Variants in WNK2 observed in about 807,000 individuals in gnomAD.
WNK2 encodes the protein WNK lysine deficient protein kinase 2, also known as serine/threonine-protein kinase WNK2.
WNK2 carries 67 observed loss-of-function variants against 192.1 expected under a neutral mutation model. That is an observed-to-expected ratio of 0.35 (90% CI 0.29 to 0.43). The LOEUF (loss-of-function observed/expected upper bound fraction) is 0.43. WNK2 is among the 20% of genes least tolerant of loss of function. WNK2 has a pLI of 1.00. For missense variants in WNK2, 2,698 were observed against 3,089.7 expected, an observed-to-expected ratio of 0.87 and a Z score of 3.01; for synonymous variants, 1,439 against 1,393.9, an observed-to-expected ratio of 1.03 and a Z score of -0.72.
At chr9:93,191,383 G>C (rs1022133266) in intron 2 of WNK2, among the ~76,000 whole-genome samples, 1 of 152,148 alleles carries the variant, frequency 6.6e-6, no homozygotes, top group East Asian at 1.9e-4. Flanking sequence ...TTTGTTGAAC[G>C]TGTGTCCTGG....
rs1404732667 is a variant in WNK2 at position 93,194,688 on chromosome 9, G to T, written c.681+9078G>T. Among the ~76,000 whole-genome samples, 4 of 152,214 alleles carry T rather than the reference G, an allele frequency of 2.6e-5. 1 individual carries two copies. The highest frequency in any genetic ancestry group is 2.6e-4 in the Admixed American group (4 of 15,290). On this transcript the variant is annotated intron_variant, in intron 2 of 29. Coordinates refer to ENST00000427277, the MANE Select transcript of WNK2 (RefSeq NM_006648.4). ...AAACACACTCTTACTATGCAATCCA[G>T]CAACTGCGTTCCTTGGTATTTACCC...
rs754482182 is a variant in WNK2, at chr9:93,257,187, A to G, written c.2382+48A>G. 6.4e-7 allele frequency: 1 copy of G among 1,572,014 alleles called. No homozygotes were observed. The highest frequency in any genetic ancestry group is 1.1e-5 in the South Asian group (1 of 86,964). ...CGTCAGTGGTGGCGCACGCTTTGCC[A>G]GGCCCTGGCTGGTGCACTAGGACAC... On this transcript the variant is annotated intron_variant, in intron 11 of 29. Coordinates refer to ENST00000427277, the MANE Select transcript of WNK2 (RefSeq NM_006648.4). The surrounding 1 kb of genome is among the most constrained non-coding windows in gnomAD (Gnocchi z 4.7).
intron 29 of WNK2, chr9:93,318,721 A>C: frequency 6.9e-7 from 1 of 1,444,354 alleles, no homozygotes; most frequent in South Asian, 1.4e-5. Flanking sequence ...CCTGGCATGC[A>C]GACCGCTCTC....
In WNK2 at chr9:93,258,958, A is replaced by C; in HGVS notation, c.2410A>C (p.Ile804Leu). 3 of 1,611,692 alleles carry C rather than the reference A, an allele frequency of 1.9e-6. No individual in the cohort carries two copies. Among genetic ancestry groups the C allele is most frequent in the Non-Finnish European group, 2.5e-6 (3 of 1,179,350 alleles). Residue 804 changes from isoleucine to leucine, a missense_variant, in exon 12 of 30, where the codon ATC becomes CTC. Ile to Leu is a conservative substitution (Grantham distance 5). This residue lies in a region of WNK2 where 893 missense variants were observed against 909.0 expected (regional missense o/e 0.98). Transcript: ENST00000427277. ...GCCCCCGATTCCTGTTGTGCCCCCC[A>C]TCACGCCCCTGGCGGGAATCGACGG... ...QMPPIPVVPP[I>L]TPLAGIDGLP...
intron 29 of WNK2, 158 bp downstream of exon 29, chr9:93,317,789 G>A (rs1383254681): frequency 6.8e-7 from 1 of 1,480,282 alleles, no homozygotes; most frequent in South Asian, 1.3e-5. Flanking sequence ...TGCCCGTGCT[G>A]CCAGTCTTCT....
At chr9:93,246,234 G>A (rs998380572) in intron 7 of WNK2, among the ~76,000 whole-genome samples, 2 of 152,148 alleles carry the variant, frequency 1.3e-5, no homozygotes, top group Non-Finnish European at 2.9e-5. Flanking sequence ...CGTTTTGCAC[G>A]TCCCTGTCAC....
At position 93,257,216 on chromosome 9, in the gene WNK2, C is replaced by A; in HGVS notation, c.2382+77C>A. Reference sequence around the variant, plus strand: ...CCTGGCTGGTGCACTAGGACACCCACAGAGGGGGTTGTCTGTGCATGTGAC... The same window carrying A: ...CCTGGCTGGTGCACTAGGACACCCAAAGAGGGGGTTGTCTGTGCATGTGAC... On this transcript the variant is annotated intron_variant, in intron 11 of 29. Transcript: ENST00000427277. The surrounding 1 kb of genome is among the most constrained non-coding windows in gnomAD (Gnocchi z 4.7). 6.8e-7 allele frequency: 1 copy of A among 1,473,068 alleles called. No homozygotes were observed. Among genetic ancestry groups the A allele is most frequent in the Non-Finnish European group, 9.1e-7 (1 of 1,094,208 alleles). 91.2% of individuals were successfully genotyped at this position (1,473,068 alleles called of 1,614,324 possible).
At chr9:93,238,132 G>C in intron 5 of WNK2, 101 bp from the exon 6 acceptor site, 1 of 1,005,140 alleles carries the variant, frequency 9.9e-7, no homozygotes, top group Non-Finnish European at 1.6e-6. Flanking sequence ...TCCAGTGCCC[G>C]TGTCCTGCCG....
intron 19 of WNK2, 94 bp downstream of exon 19, chr9:93,268,840 G>A (rs1237325318): frequency 6.3e-7 from 1 of 1,576,464 alleles, no homozygotes; most frequent in Non-Finnish European, 8.6e-7. Context: ...CCGTGCCCAG[G>A]TCCATGCAGG....
chr9:93,288,249 C>T (rs1848727468), intron 19 of WNK2, among the ~76,000 whole-genome samples: 1 of 152,178 alleles, frequency 6.6e-6, no homozygotes, highest in African/African-American at 2.4e-5. Context: ...CACTGACCAG[C>T]CCTGGCTGCG....
At chr9:93,194,673 T>G (rs1830912881) in intron 2 of WNK2, among the ~76,000 whole-genome samples, 1 of 152,228 alleles carries the variant, frequency 6.6e-6, no homozygotes, top group Non-Finnish European at 1.5e-5. Flanking sequence ...AAACACACTC[T>G]TACTATGCAA....
Position 93,259,577 on chromosome 9 carries a change from C to T in WNK2, c.3029C>T (p.Pro1010Leu), listed in dbSNP as rs371712607. The change falls in exon 12 of 30, where the codon CCT becomes CTT. Residue 1010 changes from proline (P) to leucine (L), a missense_variant. By Grantham distance (98) the Pro-to-Leu change is moderately conservative. Around this residue, in one of 7 missense-constraint regions of WNK2, gnomAD observed 893 missense variants for 909.0 expected, o/e 0.98. Coordinates refer to ENST00000427277, the MANE Select transcript of WNK2 (RefSeq NM_006648.4). This position sits in a 1 kb window ranked among gnomAD's most constrained non-coding sequence, Gnocchi z 4.8. The stretch of plus-strand genomic sequence containing the variant: ...CCTGAGCCCCTCCAGCCCCACCTTC[C>T]TGAACAAGCTGCTCCAGCTGCTACA... ...VRPEPLQPHL[P>L]EQAAPAATPG... The T allele has an allele frequency of 5.5e-5, 88 of 1,593,814 alleles. No homozygotes were observed. Among genetic ancestry groups the T allele is most frequent in the Admixed American group, 8.4e-5 (5 of 59,242 alleles).
intron 2 of WNK2, among the ~76,000 whole-genome samples, chr9:93,213,028 G>A (rs1275281061): frequency 1.3e-5 from 2 of 150,214 alleles, no homozygotes; most frequent in South Asian, 2.2e-4. Flanking sequence ...AGGAGAGATG[G>A]CTTTTCCCTC....
intron 12 of WNK2, 106 bp from the exon 13 acceptor site, chr9:93,261,708 G>T (rs1335321120): frequency 7.5e-7 from 1 of 1,333,186 alleles, no homozygotes. Flanking sequence ...GGTCTGGAGA[G>T]GGGTGTTCCC....
At chr9:93,320,244 G>GT in intron 29 of WNK2, 123 bp from the exon 30 acceptor site, 2 of 1,117,820 alleles carry the variant, frequency 1.8e-6, no homozygotes, top group Non-Finnish European at 2.4e-6. Flanking sequence ...CAGGGCGTGG[G>GT]TCATGGCAGA....
intron 19 of WNK2, among the ~76,000 whole-genome samples, chr9:93,270,724 T>C (rs1301583938): frequency 1.3e-5 from 2 of 152,076 alleles, no homozygotes; most frequent in East Asian, 1.9e-4. Flanking sequence ...TCCCCATTGC[T>C]CACCCCCCTT....
chr9:93,232,167 A>G (rs745916040), intron 4 of WNK2, among the ~76,000 whole-genome samples: 1 of 152,148 alleles, frequency 6.6e-6, no homozygotes, highest in Non-Finnish European at 1.5e-5. Context: ...GTTCTGCTGC[A>G]TGTTTGGGGA....
At position 93,247,494 on chromosome 9, in the gene WNK2, C is replaced by A; in HGVS notation, c.1543-49C>A. ...AGCACTTTAGGTAAGGGGTGTGGGCCGGTGAGGGCTGATCCCCAGCGATGC... is the reference window on the plus strand; with the variant it reads ...AGCACTTTAGGTAAGGGGTGTGGGCAGGTGAGGGCTGATCCCCAGCGATGC... On this transcript the variant is annotated intron_variant, in intron 7 of 29. Coordinates refer to ENST00000427277, the MANE Select transcript of WNK2 (RefSeq NM_006648.4). This position sits in a 1 kb window ranked among gnomAD's most constrained non-coding sequence, Gnocchi z 5.2. The A allele has an allele frequency of 6.4e-7, 1 of 1,574,142 alleles. No individual in the cohort carries two copies. Among genetic ancestry groups the A allele is most frequent in the Non-Finnish European group, 8.6e-7 (1 of 1,157,478 alleles).
chr9:93,291,531 T>C (rs1849350804), intron 21 of WNK2, among the ~76,000 whole-genome samples: 1 of 152,132 alleles, frequency 6.6e-6, no homozygotes, highest in African/African-American at 2.4e-5. Flanking sequence ...TACATACGGC[T>C]TGGGGACACG....
Sources: allele counts gnomAD v4.1 joint callset (sites outside exome capture counted in the v4.1 genomes callset), GRCh38; gene constraint gnomAD v4.1.1; regional missense constraint gnomAD v4.1.1; non-coding constraint Gnocchi (gnomAD v3.1); transcripts MANE v1.5; gene names NCBI Gene and HGNC (gene_info 2026-07-23, HGNC 2026-07-21).